PCDHA9: variants seen among roughly 807,000 people sequenced by gnomAD.
PCDHA9 encodes the protein protocadherin alpha-9.
In PCDHA9, 62 loss-of-function variants were observed where a neutral mutation model predicts 62.0. That is an observed-to-expected ratio of 1.00 (90% CI 0.81 to 1.23). The LOEUF is 1.23. Among genes scored for constraint, PCDHA9 ranks in the 50% most tolerant of loss-of-function variants. PCDHA9 has a pLI of 0.00. For missense variants in PCDHA9, 1,205 were observed against 1,249.8 expected, an observed-to-expected ratio of 0.96 and a Z score of 0.54; for synonymous variants, 557 against 567.6, an observed-to-expected ratio of 0.98 and a Z score of 0.27.
At chr5:140,993,137 A>G (rs1336525759) in intron 3 of PCDHA9, among the ~76,000 whole-genome samples, 12 of 152,212 alleles carry the variant, frequency 7.9e-5, no homozygotes, top group African/African-American at 2.7e-4. Flanking sequence ...CTGTTGCAAC[A>G]AGTATAAATG....
At chr5:140,943,332 A>G (rs2093478817) in intron 1 of PCDHA9, among the ~76,000 whole-genome samples, 1 of 151,830 alleles carries the variant, frequency 6.6e-6, no homozygotes, top group Non-Finnish European at 1.5e-5. Flanking sequence ...TGTAGTATCC[A>G]TTGGACAGGA....
chr5:140,965,954 C>A lies in PCDHA9; in HGVS notation c.2395-12995C>A, dbSNP rs567785452. Among the ~76,000 whole-genome samples the A allele has an allele frequency of 9.8e-4, 149 of 152,300 alleles. 1 individual carries two copies. The highest frequency in any genetic ancestry group is 1.7e-3 in the Non-Finnish European group (115 of 68,034). The stretch of plus-strand genomic sequence containing the variant: ...GGAAAGAGGGCAGCATTTGCCATCC[C>A]CCTCCTTTTGCCCTAGGAGTTGAGC... On this transcript the variant is annotated intron_variant, in intron 1 of 3. Coordinates refer to ENST00000532602, the MANE Select transcript of PCDHA9 (RefSeq NM_031857.2).
In PCDHA9 at chr5:140,982,309, G is replaced by A. The variant is rs1459964622; in HGVS notation, c.2454-166G>A. On this transcript the variant is annotated intron_variant, in intron 2 of 3. Coordinates refer to ENST00000532602, the MANE Select transcript of PCDHA9 (RefSeq NM_031857.2). Reference sequence around the variant, plus strand: ...TAAGTAAGTCAGCAATGCTTCTGCAGTTTATGCAGGGTGACTGCTCAGCAG... The same window carrying A: ...TAAGTAAGTCAGCAATGCTTCTGCAATTTATGCAGGGTGACTGCTCAGCAG... 5.4e-6 allele frequency: 7 copies of A among 1,306,624 alleles called. No homozygotes were observed. The Admixed American group carries it at 1.8e-4, about 34-fold the overall frequency. The allele number at this position is 1,306,624 out of a possible 1,614,324, so 80.9% of individuals were successfully genotyped here. A position where few individuals can be genotyped will look rare whatever the true frequency, so the allele number is the denominator to read the frequency against.
At chr5:140,857,896 T>C in intron 1 of PCDHA9, 1 of 1,597,704 alleles carries the variant, frequency 6.3e-7, no homozygotes, top group Non-Finnish European at 8.6e-7. Flanking sequence ...CGGCGGTTGG[T>C]GCACGCATCC....
Position 140,913,960 on chromosome 5 carries a change from T to TA in PCDHA9, c.2394+63078dup, listed in dbSNP as rs201352444. 7.9e-3 allele frequency among the ~76,000 whole-genome samples: 1,207 copies of TA among 152,282 alleles called. 5 individuals are homozygous for TA. Among genetic ancestry groups the TA allele is most frequent in the African/African-American group, 0.019 (780 of 41,560 alleles). ...AAGAATCTTGATATGATATCATTTT[T>TA]AAAAAAATATTTTAGGACTTGTATT... On this transcript the variant is annotated intron_variant, in intron 1 of 3. Transcript: ENST00000532602.
intron 1 of PCDHA9, chr5:140,866,569 A>G (rs1366987361): frequency 6.6e-6 from 1 of 152,162 alleles, no homozygotes; most frequent in Non-Finnish European, 1.5e-5. Flanking sequence ...TTTTGTTAAT[A>G]CAGTGGTTGG....
intron 1 of PCDHA9, chr5:140,967,449 C>T (rs2096141880): frequency 1.2e-6 from 2 of 1,613,586 alleles, no homozygotes; most frequent in Non-Finnish European, 1.7e-6. Context: ...CTGGTTCTCA[C>T]AGCCGTGGAT....
At chr5:140,995,546 C>T (rs2097688546) in intron 3 of PCDHA9, among the ~76,000 whole-genome samples, 1 of 152,184 alleles carries the variant, frequency 6.6e-6, no homozygotes, top group African/African-American at 2.4e-5. Context: ...AAGGGGCGAT[C>T]ACTGTACTGA....
chr5:140,882,132 A>C, intron 1 of PCDHA9: 1 of 1,475,878 alleles, frequency 6.8e-7, no homozygotes. Flanking sequence ...TTCTTCCTGC[A>C]GAAAATATAG....
Position 140,877,146 on chromosome 5 carries a change from G to A in PCDHA9, c.2394+26257G>A, listed in dbSNP as rs781819140. The A allele has an allele frequency of 1.9e-6, 3 of 1,613,818 alleles. No individual in the cohort carries two copies. In the East Asian group the frequency reaches 6.7e-5, roughly 36 times the overall value. On this transcript the variant is annotated intron_variant, in intron 1 of 3. Coordinates refer to ENST00000532602, the MANE Select transcript of PCDHA9 (RefSeq NM_031857.2). ...CGCTGCAGGTGTTCGTGCTGGACGA[G>A]AACGACAACGCGCCGGCACTGCTGG...
In PCDHA9 at chr5:140,961,136, G is replaced by A. The variant is rs1474839905; in HGVS notation, c.2395-17813G>A. On this transcript the variant is annotated intron_variant, in intron 1 of 3. Coordinates refer to ENST00000532602, the MANE Select transcript of PCDHA9 (RefSeq NM_031857.2). ...TGCATCTTAATGTCTTGGCACTTAA[G>A]AGTTGGCATATTATTTCAGTACATA... is the stretch of plus-strand genomic sequence containing the variant. Among the ~76,000 whole-genome samples the A allele has an allele frequency of 3.9e-5, 6 of 152,270 alleles. No homozygotes were observed. The East Asian group carries it at 1.2e-3, about 29-fold the overall frequency.
rs782065777 is a variant in PCDHA9, at chr5:140,876,365, A to G, written c.2394+25476A>G. Reference sequence around the variant, plus strand: ...AAATGTATGTTTTCAATAAATCCAGACACAGGTGAAATTAGAATTTATGGT... The same window carrying G: ...AAATGTATGTTTTCAATAAATCCAGGCACAGGTGAAATTAGAATTTATGGT... On this transcript the variant is annotated intron_variant, in intron 1 of 3. Coordinates refer to ENST00000532602, the MANE Select transcript of PCDHA9 (RefSeq NM_031857.2). 60 of 1,613,862 alleles carry G rather than the reference A, an allele frequency of 3.7e-5. 2 individuals carry two copies. In the South Asian group the frequency reaches 6.5e-4, roughly 17 times the overall value.
intron 1 of PCDHA9, chr5:140,929,177 T>G: frequency 6.2e-7 from 1 of 1,614,172 alleles, no homozygotes; most frequent in Non-Finnish European, 8.5e-7. Flanking sequence ...TCTCTGGGAC[T>G]TGGTTCTGAT....
At chr5:141,004,054 G>A (rs2098150015) in intron 3 of PCDHA9, among the ~76,000 whole-genome samples, 1 of 152,216 alleles carries the variant, frequency 6.6e-6, no homozygotes, top group Admixed American at 6.5e-5. Flanking sequence ...TGCTGATACT[G>A]GCCCCTGGTT....
chr5:140,893,817 C>T (rs951661016), intron 1 of PCDHA9, among the ~76,000 whole-genome samples: 73 of 152,098 alleles, frequency 4.8e-4, no homozygotes, highest in African/African-American at 1.7e-3. Context: ...AGTCTGGTAC[C>T]GTAGACTACT....
At chr5:140,877,159 C>G in intron 1 of PCDHA9, 2 of 1,613,818 alleles carry the variant, frequency 1.2e-6, no homozygotes, top group Non-Finnish European at 1.7e-6. Flanking sequence ...CGACAACGCG[C>G]CGGCACTGCT....
At chr5:140,851,826 T>A (rs2042172303) in intron 1 of PCDHA9, 1 of 965,750 alleles carries the variant, frequency 1.0e-6, no homozygotes, top group Non-Finnish European at 1.3e-6. Context: ...GAAATCTGTT[T>A]TTTTAAAAAT....
rs1451807345 is a variant in PCDHA9, at chr5:140,860,140, T to A, written c.2394+9251T>A. 3 of 150,428 alleles carry A rather than the reference T, an allele frequency of 2.0e-5. No homozygotes were observed. The South Asian group carries it at 6.2e-4, about 31-fold the overall frequency. 9.3% of individuals were successfully genotyped at this position (150,428 alleles called of 1,614,324 possible). On this transcript the variant is annotated intron_variant, in intron 1 of 3. Transcript: ENST00000532602. ...CTTGTACTGTGTGTGTGTGTATATA[T>A]ATGTATATATGTGTATATATATATG...
intron 1 of PCDHA9, among the ~76,000 whole-genome samples, chr5:140,942,008 T>C (rs155814): frequency 0.3 from 44,965 of 152,110 alleles, 7,230 homozygotes; most frequent in East Asian, 0.53. Flanking sequence ...CTCTTATTAT[T>C]AATTTTGGGA....
Sources: allele counts gnomAD v4.1 joint callset (sites outside exome capture counted in the v4.1 genomes callset), GRCh38; gene constraint gnomAD v4.1.1; transcripts MANE v1.5; gene names NCBI Gene and HGNC (gene_info 2026-07-23, HGNC 2026-07-21).